Variants in BCAN observed in about 807,000 individuals in gnomAD.
The protein encoded by BCAN is brevican, also known as brevican core protein.
BCAN carries 51 observed loss-of-function variants against 92.4 expected under a neutral mutation model. The observed-to-expected ratio is 0.55, with a 90% CI of 0.44 to 0.70. BCAN has a LOEUF of 0.70. BCAN is among the 30% of genes least tolerant of loss of function. The pLI, the probability that BCAN is intolerant of heterozygous loss-of-function variation, is 0.00. For synonymous variants in BCAN, 501 were observed against 505.2 expected (o/e 0.99, Z 0.11); for missense variants, 1,140 against 1,212.1 (o/e 0.94, Z 0.88).
At chr1:156,653,323 G>C (rs1360315881) in intron 8 of BCAN, 2 of 1,063,772 alleles carry the variant, frequency 1.9e-6, no homozygotes, top group African/African-American at 1.7e-5. Flanking sequence ...GGGAAGCCTG[G>C]GAGTCCCTTC....
rs1321083601 is a variant in BCAN at position 156,658,334 on chromosome 1, G to T, written c.2437+63G>T. 4 of 1,584,614 alleles carry T rather than the reference G, an allele frequency of 2.5e-6. No individual in the cohort carries two copies. Among genetic ancestry groups the T allele is most frequent in the Non-Finnish European group, 2.6e-6 (3 of 1,163,278 alleles). On this transcript the variant is annotated intron_variant, in intron 12 of 13. Transcript: ENST00000329117. The surrounding 1 kb of genome is among the most constrained non-coding windows in gnomAD (Gnocchi z 4.4). ...GAGGGGTGGGCTAGGGGACCAGAGG[G>T]ACTGATGTTTGTAGACAGAGAGTGC...
At position 156,656,979 on chromosome 1, in the gene BCAN, G is replaced by A. The variant is rs769524070; in HGVS notation, c.2092G>A (p.Ala698Thr). The change falls in exon 10 of 14, where the codon GCC becomes ACC. Residue 698 changes from alanine to threonine, a missense_variant. Ala to Thr is a moderately conservative substitution (Grantham distance 58). This residue lies in a region of BCAN where 825 missense variants were observed against 871.8 expected (regional missense o/e 0.95). Coordinates refer to ENST00000329117, the MANE Select transcript of BCAN (RefSeq NM_021948.5). ...CCCCGGCTGGGACGCCTTCCAGGGC[G>A]CCTGCTACAAGCACTTTTCCACACG... ...CNPGWDAFQG[A>T]CYKHFSTRRS... 14 of 1,613,978 alleles carry A rather than the reference G, an allele frequency of 8.7e-6. No homozygotes were observed. The African/African-American group carries it at 9.3e-5, about 11-fold the overall frequency.
Position 156,649,956 on chromosome 1 carries a change from A to G in BCAN, c.1063+1095A>G, listed in dbSNP as rs954970639. On this transcript the variant is annotated intron_variant, in intron 6 of 13. Transcript: ENST00000329117. ...CACAGCTTTTGCCATGGGAACCCCC[A>G]GCAAAGGGAAGACAAGATGCCTCAC... is the stretch of plus-strand genomic sequence containing the variant. 5 of 518,898 alleles carry G rather than the reference A, an allele frequency of 9.6e-6. No homozygotes were observed. In the Admixed American group the frequency reaches 9.7e-5, roughly 10 times the overall value. The allele number at this position is 518,898 out of a possible 1,614,324, so 32.1% of individuals were successfully genotyped here.
intron 8 of BCAN, among the ~76,000 whole-genome samples, chr1:156,655,148 A>G (rs769787567): frequency 1.3e-5 from 2 of 152,182 alleles, no homozygotes; most frequent in African/African-American, 4.8e-5. Flanking sequence ...GAGGGCCATG[A>G]CCTACACAGT....
chr1:156,648,507 G>C, intron 5 of BCAN, 61 bp from the exon 6 acceptor site: 2 of 1,506,278 alleles, frequency 1.3e-6, no homozygotes, highest in South Asian at 2.5e-5. Flanking sequence ...GTTCCCATGG[G>C]AGACCAGAGT....
Position 156,646,072 on chromosome 1 carries a change from G to T in BCAN, c.18G>T (p.Leu6=). ...CCTGCAGCATGGCCCAGCTGTTCCT[G>T]CCCCTGCTGGCAGCCCTGGTCCTGG... MAQLF[L]PLLAALVLAQ... is the part of the protein sequence containing the mutation. The change falls in exon 2 of 14, where the codon CTG becomes CTT. Residue 6 remains leucine (L), a synonymous_variant. Coordinates refer to ENST00000329117, the MANE Select transcript of BCAN (RefSeq NM_021948.5). The T allele has an allele frequency of 1.2e-6, 2 of 1,613,426 alleles. No individual in the cohort carries two copies. Among genetic ancestry groups the T allele is most frequent in the Non-Finnish European group, 1.7e-6 (2 of 1,179,452 alleles).
In BCAN at chr1:156,656,964, G is replaced by A. The variant is rs568477527; in HGVS notation, c.2077G>A (p.Asp693Asn). Residue 693 changes from aspartate (D) to asparagine (N), a missense_variant, in exon 10 of 14, where the codon GAC becomes AAC. This residue lies in a region of BCAN where 825 missense variants were observed against 871.8 expected (regional missense o/e 0.95). Transcript: ENST00000329117. ...VGLRFCNPGW[D>N]AFQGACYKHF... Reference sequence around the variant, plus strand: ...CCTCCGCTTCTGCAACCCCGGCTGGGACGCCTTCCAGGGCGCCTGCTACAA... The same window carrying A: ...CCTCCGCTTCTGCAACCCCGGCTGGAACGCCTTCCAGGGCGCCTGCTACAA... 1 of 1,614,020 alleles carries A rather than the reference G, an allele frequency of 6.2e-7. No homozygotes were observed. The highest frequency in any genetic ancestry group is 1.3e-5 in the African/African-American group (1 of 75,058).
At chr1:156,657,252 C>T in intron 10 of BCAN, 156 bp downstream of exon 10, 1 of 1,020,338 alleles carries the variant, frequency 9.8e-7, no homozygotes, top group Non-Finnish European at 1.4e-6. Flanking sequence ...CTCATTCTCT[C>T]TCCCTTCCCA....
In BCAN at chr1:156,647,735, C is replaced by A; in HGVS notation, c.641+53C>A. 6.4e-7 allele frequency: 1 copy of A among 1,551,986 alleles called. No homozygotes were observed. ...CTATTGGCCCCTGAGGTGGCCATGGCCCCCCTTCTGCTGGGTGCTGCCTGC... is the reference window on the plus strand; with the variant it reads ...CTATTGGCCCCTGAGGTGGCCATGGACCCCCTTCTGCTGGGTGCTGCCTGC... On this transcript the variant is annotated intron_variant, in intron 4 of 13. Transcript: ENST00000329117. This position sits in a 1 kb window ranked among gnomAD's most constrained non-coding sequence, Gnocchi z 4.8.
Position 156,652,355 on chromosome 1 carries a change from G to A in BCAN, c.1405G>A (p.Glu469Lys). ...YEDEEEKEEEEEEEEVEDEAL... is the reference protein window; with the variant it reads ...YEDEEEKEEEKEEEEVEDEAL... ...AGATGAAGAAGAGAAAGAGGAGGAA[G>A]AAGAAGAGGAGGAGGTGGAGGATGA... is the stretch of plus-strand genomic sequence containing the variant. The change falls in exon 8 of 14, where the codon GAA becomes AAA. Residue 469 changes from glutamate (E) to lysine (K), a missense_variant. Physicochemically the swap from Glu to Lys is moderately conservative, Grantham distance 56. Coordinates refer to ENST00000329117, the MANE Select transcript of BCAN (RefSeq NM_021948.5). The A allele has an allele frequency of 6.2e-7, 1 of 1,613,730 alleles. No homozygotes were observed. The highest frequency in any genetic ancestry group is 8.5e-7 in the Non-Finnish European group (1 of 1,179,758).
At chr1:156,657,939 G>A (rs1231712448) in intron 11 of BCAN, among the ~76,000 whole-genome samples, 182 bp downstream of exon 11, 4 of 148,922 alleles carry the variant, frequency 2.7e-5, no homozygotes, top group African/African-American at 9.9e-5. Flanking sequence ...CTTCCCTTCT[G>A]GCTCCCATTC....
In BCAN at chr1:156,658,438, G is replaced by C. The variant is rs1362923129; in HGVS notation, c.2438-105G>C. Reference sequence around the variant, plus strand: ...TTACGTGGGTCCACTCGGAATCCCTGATCTTTTTTTGTCATGTTGTGGCCC... The same window carrying C: ...TTACGTGGGTCCACTCGGAATCCCTCATCTTTTTTTGTCATGTTGTGGCCC... On this transcript the variant is annotated intron_variant, in intron 12 of 13. Transcript: ENST00000329117. The surrounding 1 kb of genome is among the most constrained non-coding windows in gnomAD (Gnocchi z 4.4). The C allele has an allele frequency of 6.7e-7, 1 of 1,483,168 alleles. No homozygotes were observed. The highest frequency in any genetic ancestry group is 9.1e-7 in the Non-Finnish European group (1 of 1,102,778). The allele number at this position is 1,483,168 out of a possible 1,614,324, so 91.9% of individuals were successfully genotyped here. A position where few individuals can be genotyped will look rare whatever the true frequency, so the allele number is the denominator to read the frequency against.
At chr1:156,651,426 G>C (rs769063004) in intron 6 of BCAN, 30 bp from the exon 7 acceptor site, 17 of 1,580,726 alleles carry the variant, frequency 1.1e-5, no homozygotes, top group South Asian at 2.2e-5. Context: ...ACCTATTCAG[G>C]CTCGCATCAA....
chr1:156,647,077 C>T lies in BCAN; in HGVS notation c.368C>T (p.Ala123Val), dbSNP rs748306049. The T allele has an allele frequency of 6.8e-6, 11 of 1,609,864 alleles. No individual in the cohort carries two copies. Among genetic ancestry groups the T allele is most frequent in the Admixed American group, 3.3e-5 (2 of 59,894 alleles). ...GCGTCGCTCACCGACGTCTCCCTGG[C>T]GCTGAGCGAGCTGCGCCCCAACGAC... ...YPASLTDVSL[A>V]LSELRPNDSG... Residue 123 changes from alanine (A) to valine (V), a missense_variant, in exon 3 of 14, where the codon GCG becomes GTG. By Grantham distance (64) the Ala-to-Val change is moderately conservative (BLOSUM62 0). Transcript: ENST00000329117. The surrounding 1 kb of genome is among the most constrained non-coding windows in gnomAD (Gnocchi z 4.8).
At position 156,648,858 on chromosome 1, in the gene BCAN, C is replaced by G. The variant is rs749412358; in HGVS notation, c.1060C>G (p.Arg354Gly). 1 of 1,556,300 alleles carries G rather than the reference C, an allele frequency of 6.4e-7. No individual in the cohort carries two copies. Among genetic ancestry groups the G allele is most frequent in the Non-Finnish European group, 8.7e-7 (1 of 1,143,972 alleles). Reference protein sequence around the residue: ...KHSRFNVYCFRDSAQPSAIPE... With the variant: ...KHSRFNVYCFGDSAQPSAIPE... Reference sequence around the variant, plus strand: ...CAGCCGCTTCAACGTCTACTGCTTCCGAGGTGAGCCCACCTCCCTGCAGAA... The same window carrying G: ...CAGCCGCTTCAACGTCTACTGCTTCGGAGGTGAGCCCACCTCCCTGCAGAA... The change falls in exon 6 of 14, where the codon CGA (arginine) becomes GGA (glycine). Residue 354 changes from arginine to glycine, a missense_variant. This residue lies in a region of BCAN where 825 missense variants were observed against 871.8 expected (regional missense o/e 0.95). Coordinates refer to ENST00000329117, the MANE Select transcript of BCAN (RefSeq NM_021948.5).
intron 9 of BCAN, 102 bp from the exon 10 acceptor site, chr1:156,656,836 C>A: frequency 6.7e-7 from 1 of 1,495,866 alleles, no homozygotes; most frequent in Non-Finnish European, 9.0e-7. Flanking sequence ...CCCTTAGTCC[C>A]GCCCCTCTCG....
chr1:156,656,250 C>T, intron 8 of BCAN, 32 bp from the exon 9 acceptor site: 2 of 1,425,192 alleles, frequency 1.4e-6, no homozygotes, highest in Non-Finnish European at 9.2e-7. Flanking sequence ...GGCTGCCTCG[C>T]TCCCCCCGCC....
chr1:156,657,893 C>T, intron 11 of BCAN, 136 bp downstream of exon 11: 2 of 828,034 alleles, frequency 2.4e-6, no homozygotes, highest in Non-Finnish European at 3.7e-6. Flanking sequence ...TGTGCCTCTT[C>T]TCCCTGGGCT....
intron 1 of BCAN, among the ~76,000 whole-genome samples, chr1:156,645,739 A>C (rs1678941040): frequency 6.6e-6 from 1 of 152,208 alleles, no homozygotes; most frequent in Admixed American, 6.5e-5. Context: ...CTCAAAGCAC[A>C]TGGTCCTATC....
Sources: allele counts gnomAD v4.1 joint callset (sites outside exome capture counted in the v4.1 genomes callset), GRCh38; gene constraint gnomAD v4.1.1; regional missense constraint gnomAD v4.1.1; non-coding constraint Gnocchi (gnomAD v3.1); transcripts MANE v1.5; gene names NCBI Gene and HGNC (gene_info 2026-07-23, HGNC 2026-07-21).